IGSF11: variants seen among roughly 807,000 people sequenced by gnomAD.
IGSF11 encodes the protein CXADR like 1.
In IGSF11, 22 loss-of-function variants were observed where a neutral mutation model predicts 41.0. The ratio of observed to expected loss-of-function variants is 0.54; its 90% CI spans 0.38 to 0.77. The LOEUF is 0.77. Among genes scored for constraint, IGSF11 ranks in the 30% least tolerant of loss-of-function variants. The probability of loss-of-function intolerance (pLI) is 0.00; values close to 1 mark genes in which losing one functional copy is unlikely to be tolerated. For synonymous variants in IGSF11, 219 were observed against 201.3 expected (o/e 1.09, Z -0.74); for missense variants, 444 against 530.8 (o/e 0.84, Z 1.61).
At chr3:119,025,765 C>T (rs1223303173) in intron 1 of IGSF11, among the ~76,000 whole-genome samples, 1 of 151,976 alleles carries the variant, frequency 6.6e-6, no homozygotes, top group Non-Finnish European at 1.5e-5. Flanking sequence ...CAAACAATTG[C>T]ACTTTGGGCA....
At chr3:119,051,649 A>C (rs2107436256) in intron 1 of IGSF11, among the ~76,000 whole-genome samples, 1 of 152,346 alleles carries the variant, frequency 6.6e-6, no homozygotes, top group South Asian at 2.1e-4. Flanking sequence ...TTTACAGAAC[A>C]TTCTACCCAA....
chr3:119,003,584 A>G lies in IGSF11; in HGVS notation c.52+30947T>C, dbSNP rs556932541. ...TTCCAGTTTTTGCCCATTCAGTATG[A>G]TATTGGCTGTGGGTTTGTTATAGAT... is the stretch of plus-strand genomic sequence containing the variant. On this transcript the variant is annotated intron_variant, in intron 1 of 6. Coordinates refer to ENST00000393775, the MANE Select transcript of IGSF11 (RefSeq NM_001015887.3). 7.1e-4 allele frequency among the ~76,000 whole-genome samples: 107 copies of G among 151,308 alleles called. 5 individuals carry two copies. The highest frequency in any genetic ancestry group is 2.6e-3 in the African/African-American group (106 of 40,626).
At chr3:119,093,980 T>C (rs1339133891) in intron 1 of IGSF11, among the ~76,000 whole-genome samples, 1 of 152,042 alleles carries the variant, frequency 6.6e-6, no homozygotes, top group African/African-American at 2.4e-5. Context: ...ATAGCCTAGA[T>C]ACAATCAGAA....
rs1359508217 is a variant in IGSF11 at position 119,124,705 on chromosome 3, T to C, written c.-13-19500A>G. On this transcript the variant is annotated intron_variant, in intron 1 of 7. Transcript: ENST00000425327. ...TTCAAAAGGGTAAATCTAAGAGTTA[T>C]TGGCGTTAAAGAGGAGCTAGAGAAA... Among the ~76,000 whole-genome samples the C allele has an allele frequency of 2.6e-5, 4 of 152,002 alleles. No homozygotes were observed. In the East Asian group the frequency reaches 5.8e-4, roughly 22 times the overall value.
At chr3:118,923,611 T>C (rs563557706) in intron 4 of IGSF11, among the ~76,000 whole-genome samples, 3 of 152,348 alleles carry the variant, frequency 2.0e-5, no homozygotes, top group East Asian at 1.9e-4. Context: ...TGTTCCATTA[T>C]TGGAACGCTA....
At chr3:118,924,440 T>A (rs967353452) in intron 4 of IGSF11, among the ~76,000 whole-genome samples, 1 of 152,154 alleles carries the variant, frequency 6.6e-6, no homozygotes, top group African/African-American at 2.4e-5. Context: ...TTTATTAATA[T>A]GGGTATCAAG....
intron 1 of IGSF11, among the ~76,000 whole-genome samples, chr3:119,007,602 A>C (rs1056910020): frequency 6.6e-6 from 1 of 152,068 alleles, no homozygotes; most frequent in Non-Finnish European, 1.5e-5. Flanking sequence ...CAACCATCTC[A>C]GAGTATCCAC....
intron 5 of IGSF11, 63 bp downstream of exon 5, chr3:118,905,533 T>C (rs1939480094): frequency 1.9e-6 from 3 of 1,562,364 alleles, no homozygotes; most frequent in Non-Finnish European, 2.6e-6. Context: ...CTTCATTTTC[T>C]GGTATAACAA....
intron 1 of IGSF11, among the ~76,000 whole-genome samples, chr3:119,124,709 C>T (rs967622510): frequency 2.0e-5 from 3 of 151,860 alleles, no homozygotes; most frequent in East Asian, 1.9e-4. Context: ...GAGTTATTGG[C>T]GTTAAAGAGG....
At chr3:119,016,439 T>C (rs1160717801) in intron 1 of IGSF11, among the ~76,000 whole-genome samples, 1 of 152,154 alleles carries the variant, frequency 6.6e-6, no homozygotes, top group Non-Finnish European at 1.5e-5. Context: ...TCTTTAGAAA[T>C]CTAAGAGGAA....
intron 1 of IGSF11, among the ~76,000 whole-genome samples, chr3:118,958,166 T>TAG (rs1945094498): frequency 6.6e-6 from 1 of 152,208 alleles, no homozygotes; most frequent in African/African-American, 2.4e-5. Flanking sequence ...TGTATAGTAT[T>TAG]TCAGAGGAGG....
Position 119,020,170 on chromosome 3 carries a change from C to T in IGSF11, c.52+14361G>A, listed in dbSNP as rs150658426. Reference sequence around the variant, plus strand: ...CCTAGTCTATTGTATTGTGTTACTACGGCCCAAACAGAGGAAGATGCTGAT... The same window carrying T: ...CCTAGTCTATTGTATTGTGTTACTATGGCCCAAACAGAGGAAGATGCTGAT... On this transcript the variant is annotated intron_variant, in intron 1 of 6. Transcript: ENST00000393775. Among the ~76,000 whole-genome samples the T allele has an allele frequency of 8.5e-3, 1,296 of 152,274 alleles. 3 individuals carry two copies. Among genetic ancestry groups the T allele is most frequent in the Non-Finnish European group, 0.012 (791 of 68,026 alleles).
At chr3:119,145,361 G>A (rs1576849051) in intron 1 of IGSF11, among the ~76,000 whole-genome samples, 1 of 152,184 alleles carries the variant, frequency 6.6e-6, no homozygotes, top group East Asian at 1.9e-4. Flanking sequence ...CTGACTCTGA[G>A]GTGCATTCTT....
chr3:118,905,550 T>TATAAC, intron 5 of IGSF11, 46 bp downstream of exon 5: 1 of 1,605,876 alleles, frequency 6.2e-7, no homozygotes, highest in Non-Finnish European at 8.5e-7. Context: ...ACAAAGATCT[T>TATAAC]AGAGTTTCAG....
chr3:119,006,196 C>T (rs1440135137), intron 1 of IGSF11, among the ~76,000 whole-genome samples: 4 of 129,576 alleles, frequency 3.1e-5, no homozygotes, highest in African/African-American at 7.2e-5. Flanking sequence ...CTTCCCTTCT[C>T]GCTTCTTTTC....
intron 1 of IGSF11, among the ~76,000 whole-genome samples, chr3:118,988,970 T>C (rs1190665046): frequency 6.6e-6 from 1 of 152,170 alleles, no homozygotes; most frequent in African/African-American, 2.4e-5. Context: ...CTAAGTCCCA[T>C]ATAAACTAAA....
At chr3:119,115,397 C>A (rs182822537) in intron 1 of IGSF11, among the ~76,000 whole-genome samples, 19 of 152,320 alleles carry the variant, frequency 1.2e-4, no homozygotes, top group African/African-American at 4.6e-4. Flanking sequence ...TTCCTCACAT[C>A]CTTGGCAGCA....
At chr3:119,145,427 A>C (rs2077707757) in intron 1 of IGSF11, among the ~76,000 whole-genome samples, 2 of 152,238 alleles carry the variant, frequency 1.3e-5, no homozygotes, top group Admixed American at 1.3e-4. Flanking sequence ...CCACTGGCCA[A>C]CACTATCAAA....
At chr3:119,047,426 C>G (rs1038223844) in intron 1 of IGSF11, among the ~76,000 whole-genome samples, 11 of 152,162 alleles carry the variant, frequency 7.2e-5, no homozygotes, top group African/African-American at 2.7e-4. Context: ...GTAAAGGGAT[C>G]AATTCAAAAA....
Sources: allele counts gnomAD v4.1 joint callset (sites outside exome capture counted in the v4.1 genomes callset), GRCh38; gene constraint gnomAD v4.1.1; transcripts MANE v1.5; gene names NCBI Gene and HGNC (gene_info 2026-07-23, HGNC 2026-07-21).